Variants in C6 observed in about 807,000 individuals in gnomAD.
The protein encoded by C6 is complement component C6.
A neutral mutation model predicts 112.9 loss-of-function variants in C6; 101 were observed. The observed-to-expected ratio is 0.89, with a 90% confidence interval of 0.76 to 1.06. The LOEUF (loss-of-function observed/expected upper bound fraction) is 1.06, where lower values mean the gene tolerates loss of function less well. Among genes scored for constraint, C6 ranks in the 50% least tolerant of loss-of-function variants. The probability of loss-of-function intolerance (pLI) is 0.00; values close to 1 mark genes in which losing one functional copy is unlikely to be tolerated. For synonymous variants in C6, 431 were observed against 384.1 expected (o/e 1.12, Z -1.43); for missense variants, 1,202 against 1,104.6 (o/e 1.09, Z -1.25).
chr5:41,212,660 G>A (rs545313642), intron 1 of C6, among the ~76,000 whole-genome samples: 1 of 152,240 alleles, frequency 6.6e-6, no homozygotes, highest in South Asian at 2.1e-4. Context: ...TCGGTCAATA[G>A]AGGAAGATAG....
intron 6 of C6, among the ~76,000 whole-genome samples, chr5:41,184,435 A>G (rs550177456): frequency 2.0e-5 from 3 of 152,024 alleles, no homozygotes; most frequent in Admixed American, 6.6e-5. Context: ...TAACTCTGAG[A>G]GAGTTGTTTA....
chr5:41,162,819 A>G (rs1747647060), intron 9 of C6, among the ~76,000 whole-genome samples: 1 of 152,198 alleles, frequency 6.6e-6, no homozygotes, highest in Admixed American at 6.5e-5. Flanking sequence ...AGTGCATAAC[A>G]CAACACAGGT....
chr5:41,251,333 A>T (rs1741348011), intron 1 of C6, among the ~76,000 whole-genome samples: 1 of 152,048 alleles, frequency 6.6e-6, no homozygotes, highest in Non-Finnish European at 1.5e-5. Flanking sequence ...TGTACCCCAA[A>T]TCATCCCAGA....
chr5:41,226,021 C>T (rs900712606), intron 1 of C6, among the ~76,000 whole-genome samples: 7 of 152,128 alleles, frequency 4.6e-5, no homozygotes, highest in Admixed American at 1.3e-4. Flanking sequence ...CTAGGTGATA[C>T]CATTCAGGAC....
intron 1 of C6, among the ~76,000 whole-genome samples, chr5:41,210,895 C>A (rs1751863381): frequency 6.6e-6 from 1 of 152,028 alleles, no homozygotes; most frequent in Non-Finnish European, 1.5e-5. Context: ...GGGTATCTAC[C>A]CAAAGGATTA....
rs556064257 is a variant in C6 at position 41,175,650 on chromosome 5, A to G, written c.1168+825T>C. Among the ~76,000 whole-genome samples the G allele has an allele frequency of 2.0e-5, 3 of 152,366 alleles. No homozygotes were observed. In the South Asian group the frequency reaches 6.2e-4, roughly 32 times the overall value. ...GCTCTGCTCTGAATGCATGAGGATT[A>G]TACTCATCAAGTGGGAAATTATTTT... On this transcript the variant is annotated intron_variant, in intron 8 of 17. Coordinates refer to ENST00000337836, the MANE Select transcript of C6 (RefSeq NM_000065.5).
intron 1 of C6, among the ~76,000 whole-genome samples, chr5:41,243,020 T>C: frequency 6.6e-6 from 1 of 152,092 alleles, no homozygotes; most frequent in East Asian, 1.9e-4. Flanking sequence ...GGGAAGATAA[T>C]GGATAAAGTA....
At chr5:41,170,278 A>G (rs1293233685) in intron 9 of C6, among the ~76,000 whole-genome samples, 1 of 151,744 alleles carries the variant, frequency 6.6e-6, no homozygotes, top group Non-Finnish European at 1.5e-5. Flanking sequence ...TCTTTCTTGT[A>G]TGTGATTAAT....
chr5:41,216,115 C>A (rs189211113), upstream of C6, among the ~76,000 whole-genome samples: 9 of 152,138 alleles, frequency 5.9e-5, no homozygotes, highest in Admixed American at 5.2e-4. Flanking sequence ...GGACCTCAGG[C>A]TTCCACACTC....
chr5:41,174,825 G>C (rs1396630001), intron 8 of C6, among the ~76,000 whole-genome samples: 1 of 152,136 alleles, frequency 6.6e-6, no homozygotes, highest in Non-Finnish European at 1.5e-5. Flanking sequence ...GAGGTAAAGG[G>C]AGAGAGAATA....
At chr5:41,199,744 G>T (rs774311532) in intron 4 of C6, 24 bp downstream of exon 4, 1 of 1,611,442 alleles carries the variant, frequency 6.2e-7, no homozygotes, top group South Asian at 1.1e-5. Flanking sequence ...AGTGGGGACT[G>T]AACATTTCAC....
In C6 at chr5:41,186,169, A is replaced by G; in HGVS notation, c.627T>C (p.Leu209=). 1 of 1,613,970 alleles carries G rather than the reference A, an allele frequency of 6.2e-7. No homozygotes were observed. The highest frequency in any genetic ancestry group is 1.3e-5 in the African/African-American group (1 of 75,058). Residue 209 remains leucine (L), a synonymous_variant, in exon 6 of 18, where the codon CTT becomes CTC. Coordinates refer to ENST00000337836, the MANE Select transcript of C6 (RefSeq NM_000065.5). ...ATATTCCTCCAGTGAAAGAGTTATC[A>G]AGGACTTCTCCTCTGGGCTCTCCTG... ...FLAGEPRGEV[L]DNSFTGGICK...
chr5:41,234,337 C>T (rs1039509535), intron 1 of C6, among the ~76,000 whole-genome samples: 35 of 139,124 alleles, frequency 2.5e-4, no homozygotes, highest in African/African-American at 7.0e-4. Context: ...TCTACCCTTT[C>T]GTTTTTTTTT....
chr5:41,145,391 A>G (rs761368382), intron 17 of C6, among the ~76,000 whole-genome samples: 4 of 152,210 alleles, frequency 2.6e-5, no homozygotes, highest in Non-Finnish European at 4.4e-5. Flanking sequence ...AAGGCGCTCA[A>G]TTAATTCTTC....
At position 41,142,873 on chromosome 5, in the gene C6, A is replaced by G; in HGVS notation, c.2757T>C (p.Cys919=). ...LNICEVGTIR[C]ANRKMEILHP... ...GCAGTATTTCCATCTTCCTGTTTGC[A>G]CATCTTATAGTTCCCACTTCACAGA... is the stretch of plus-strand genomic sequence containing the variant. Residue 919 remains cysteine, a synonymous_variant, in exon 18 of 18, where the codon TGT becomes TGC. Coordinates refer to ENST00000337836, the MANE Select transcript of C6 (RefSeq NM_000065.5). The G allele has an allele frequency of 6.2e-7, 1 of 1,613,656 alleles. No homozygotes were observed. The highest frequency in any genetic ancestry group is 8.5e-7 in the Non-Finnish European group (1 of 1,179,744).
At chr5:41,168,035 G>A (rs1248157235) in intron 9 of C6, among the ~76,000 whole-genome samples, 3 of 152,158 alleles carry the variant, frequency 2.0e-5, no homozygotes, top group Non-Finnish European at 4.4e-5. Context: ...AGCCAACACT[G>A]TAGAAATCTT....
At chr5:41,160,479 A>G (rs1747381528) in intron 10 of C6, 112 bp from the exon 11 acceptor site, 3 of 820,756 alleles carry the variant, frequency 3.7e-6, no homozygotes, top group Admixed American at 2.0e-5. Context: ...TTACACTTCA[A>G]AGGGATTATT....
chr5:41,163,994 T>C (rs573290212), intron 9 of C6, among the ~76,000 whole-genome samples: 3 of 151,762 alleles, frequency 2.0e-5, no homozygotes, highest in South Asian at 2.1e-4. Context: ...CAGATAAATA[T>C]AAAATATCGT....
intron 1 of C6, among the ~76,000 whole-genome samples, chr5:41,243,376 C>T (rs1740844206): frequency 6.6e-6 from 1 of 152,078 alleles, no homozygotes; most frequent in South Asian, 2.1e-4. Flanking sequence ...TATTTTGTGC[C>T]ATTACAGGCA....
Sources: gnomAD v4.1 joint callset for allele counts (sites outside exome capture counted in the v4.1 genomes callset) on GRCh38, gnomAD v4.1.1 for gene constraint, MANE v1.5 for transcripts, NCBI Gene and HGNC (gene_info 2026-07-23, HGNC 2026-07-21) for gene names.